ZNF782: variants seen among roughly 807,000 people sequenced by gnomAD.
The protein encoded by ZNF782 is zinc finger protein 782.
In ZNF782, 12 loss-of-function variants were observed where a neutral mutation model predicts 13.0. That is an observed-to-expected ratio of 0.92 (90% CI 0.59 to 1.50). ZNF782 has a LOEUF of 1.50. ZNF782 is among the 40% of genes most tolerant of loss of function. ZNF782 has a pLI of 0.00. For synonymous variants in ZNF782, 284 were observed against 283.0 expected (o/e 1.00, Z -0.04); for missense variants, 770 against 822.9 (o/e 0.94, Z 0.79).
intron 3 of ZNF782, among the ~76,000 whole-genome samples, chr9:96,848,002 G>T (rs1488762750): frequency 6.6e-6 from 1 of 152,134 alleles, no homozygotes; most frequent in East Asian, 1.9e-4. Context: ...GGGATGCAGG[G>T]ATGGTTTAAC....
chr9:96,872,596 C>T (rs557582752), intron 1 of ZNF782, among the ~76,000 whole-genome samples: 12 of 152,122 alleles, frequency 7.9e-5, no homozygotes, highest in African/African-American at 2.2e-4. Flanking sequence ...TACATCTCTG[C>T]GTAACTTAAA....
chr9:96,821,258 CCA>C (rs1378259394), intron 5 of ZNF782, among the ~76,000 whole-genome samples: 1 of 152,266 alleles, frequency 6.6e-6, no homozygotes, highest in Non-Finnish European at 1.5e-5. Context: ...CTGCAACAGC[CCA>C]CAGTCTTTTC....
At chr9:96,899,409 TTA>T in the ZNF782 span, among the ~76,000 whole-genome samples, 1 of 152,148 alleles carries the variant, frequency 6.6e-6, no homozygotes, top group Non-Finnish European at 1.5e-5. Flanking sequence ...TACCCATATT[TTA>T]ATCTTTTTGT....
At chr9:96,932,754 G>C in the ZNF782 span, among the ~76,000 whole-genome samples, 1 of 151,790 alleles carries the variant, frequency 6.6e-6, no homozygotes, top group South Asian at 2.1e-4. Context: ...CTGGGTTCAA[G>C]TGATTCTGCT....
chr9:96,911,358 G>A, the ZNF782 span, among the ~76,000 whole-genome samples: 2 of 131,000 alleles, frequency 1.5e-5, no homozygotes, highest in Non-Finnish European at 3.1e-5. Context: ...AGAATGGCAT[G>A]AACCCGGGAG....
upstream of ZNF782, among the ~76,000 whole-genome samples, chr9:96,876,646 C>T (rs1236551615): frequency 6.6e-6 from 1 of 152,070 alleles, no homozygotes; most frequent in Non-Finnish European, 1.5e-5. Flanking sequence ...CCCTGACCAA[C>T]AGGGTTTCAG....
chr9:96,914,139 C>A, the ZNF782 span, among the ~76,000 whole-genome samples: 406 of 150,726 alleles, frequency 2.7e-3, no homozygotes, highest in Non-Finnish European at 4.7e-3. Flanking sequence ...TTTTATTTTC[C>A]AAGACGGAGT....
At chr9:96,860,998 G>C (rs1397293317) in intron 2 of ZNF782, among the ~76,000 whole-genome samples, 1 of 152,190 alleles carries the variant, frequency 6.6e-6, no homozygotes, top group Admixed American at 6.5e-5. Context: ...TGTAATCCCA[G>C]CACTTTGGGA....
intron 1 of ZNF782, among the ~76,000 whole-genome samples, chr9:96,867,803 C>T (rs1261586311): frequency 1.3e-5 from 2 of 152,184 alleles, no homozygotes; most frequent in African/African-American, 4.8e-5. Flanking sequence ...TGTCACCTTT[C>T]TGCTTGTCCC....
intron 1 of ZNF782, among the ~76,000 whole-genome samples, chr9:96,872,176 A>G (rs1193721424): frequency 6.6e-6 from 1 of 152,218 alleles, no homozygotes; most frequent in Admixed American, 6.5e-5. Context: ...AAATGCTACA[A>G]TTTATGTGGT....
intron 5 of ZNF782, among the ~76,000 whole-genome samples, chr9:96,824,956 A>C (rs990246652): frequency 1.4e-3 from 218 of 152,166 alleles, no homozygotes; most frequent in African/African-American, 5.2e-3. Context: ...GGAAGAATCA[A>C]TATGGTGAAA....
chr9:96,849,314 C>A (rs76535200), intron 3 of ZNF782, among the ~76,000 whole-genome samples: 4,170 of 152,314 alleles, frequency 0.027, 195 homozygotes, highest in African/African-American at 0.093. Flanking sequence ...TGCTGCTGAT[C>A]TGACAGGAGG....
the ZNF782 span, among the ~76,000 whole-genome samples, chr9:96,901,774 G>A: frequency 2.0e-5 from 3 of 151,258 alleles, no homozygotes; most frequent in African/African-American, 7.3e-5. Flanking sequence ...CAGCTACTTG[G>A]GAGGCTGAGG....
intron 1 of ZNF782, among the ~76,000 whole-genome samples, chr9:96,864,535 A>C (rs1392847642): frequency 6.6e-6 from 1 of 152,196 alleles, no homozygotes; most frequent in Non-Finnish European, 1.5e-5. Flanking sequence ...ATATCTGCTT[A>C]TATCTTAACT....
chr9:96,830,790 A>G (rs910853028), intron 4 of ZNF782, among the ~76,000 whole-genome samples: 1 of 152,252 alleles, frequency 6.6e-6, no homozygotes, highest in African/African-American at 2.4e-5. Context: ...TATCTGATAA[A>G]GACTTTAAAT....
At position 96,819,578 on chromosome 9, in the gene ZNF782, T is replaced by G; in HGVS notation, c.445A>C (p.Ser149Arg). Residue 149 changes from serine (S) to arginine (R), a missense_variant, in exon 6 of 6, where the codon AGC becomes CGC. Coordinates refer to ENST00000481138, the MANE Select transcript of ZNF782 (RefSeq NM_001001662.3). Reference protein sequence around the residue: ...DIAGSACQGLSLMAPHCQYSK... With the variant: ...DIAGSACQGLRLMAPHCQYSK... ...TACTGACAGTGTGGGGCCATCAGGC[T>G]GAGCCCCTGGCAAGCAGACCCCGCA... is the stretch of plus-strand genomic sequence containing the variant. The G allele has an allele frequency of 6.2e-7, 1 of 1,613,852 alleles. No individual in the cohort carries two copies. The highest frequency in any genetic ancestry group is 8.5e-7 in the Non-Finnish European group (1 of 1,179,944).
At chr9:96,877,360 C>T (rs945942795), upstream of ZNF782, among the ~76,000 whole-genome samples, 1 of 152,240 alleles carries the variant, frequency 6.6e-6, no homozygotes, top group African/African-American at 2.4e-5. Flanking sequence ...GGGGACGCGC[C>T]CAGACGTAGA....
chr9:96,903,697 T>G, the ZNF782 span, among the ~76,000 whole-genome samples: 9,532 of 150,384 alleles, frequency 0.063, 731 homozygotes, highest in East Asian at 0.34. Flanking sequence ...CGAGTAGCTG[T>G]GACTACAGGC....
At chr9:96,820,317 T>TTCTA (rs1290354208) in intron 5 of ZNF782, among the ~76,000 whole-genome samples, 3 of 152,172 alleles carry the variant, frequency 2.0e-5, no homozygotes, top group African/African-American at 7.2e-5. Context: ...ATTCTACACA[T>TTCTA]CACAAAAGAA....
Sources: gnomAD v4.1 joint callset for allele counts (sites outside exome capture counted in the v4.1 genomes callset) on GRCh38, gnomAD v4.1.1 for gene constraint, MANE v1.5 for transcripts, NCBI Gene and HGNC (gene_info 2026-07-23, HGNC 2026-07-21) for gene names.